Variants in EHBP1 observed in about 807,000 individuals in gnomAD.
EHBP1 encodes the protein EH domain binding protein 1.
Under a neutral mutation model 144.0 loss-of-function variants are expected in EHBP1, and 55 were observed. That is an observed-to-expected ratio of 0.38 (90% CI 0.31 to 0.48). The LOEUF (loss-of-function observed/expected upper bound fraction) is 0.48, where lower values mean the gene tolerates loss of function less well. EHBP1 is among the 20% of genes least tolerant of loss of function. The pLI is 0.98. For synonymous variants in EHBP1, 469 were observed against 472.7 expected (o/e 0.99, Z 0.10); for missense variants, 1,200 against 1,364.2 (o/e 0.88, Z 1.90).
At chr2:62,710,495 T>A (rs2035045478) in intron 2 of EHBP1, among the ~76,000 whole-genome samples, 2 of 151,188 alleles carry the variant, frequency 1.3e-5, no homozygotes, top group South Asian at 4.1e-4. Flanking sequence ...ATATAAGAAT[T>A]CCTTTTCCTT....
intron 1 of EHBP1, among the ~76,000 whole-genome samples, chr2:62,682,741 G>A (rs1250991550): frequency 6.6e-6 from 1 of 152,096 alleles, no homozygotes; most frequent in African/African-American, 2.4e-5. Flanking sequence ...AAGCTATACT[G>A]CCTGACTCTA....
chr2:62,749,909 A>G (rs1042472008), intron 3 of EHBP1, among the ~76,000 whole-genome samples: 6 of 152,182 alleles, frequency 3.9e-5, no homozygotes, highest in South Asian at 2.1e-4. Flanking sequence ...GTAGGTTGCA[A>G]AAATTTTCTT....
At chr2:62,778,336 C>G (rs1240398394) in intron 5 of EHBP1, among the ~76,000 whole-genome samples, 15 of 152,020 alleles carry the variant, frequency 9.9e-5, no homozygotes, top group Admixed American at 9.2e-4. Flanking sequence ...CTCAGGAGTT[C>G]AAGACCACCA....
chr2:62,699,893 T>C (rs2034224584), intron 1 of EHBP1, among the ~76,000 whole-genome samples: 1 of 152,238 alleles, frequency 6.6e-6, no homozygotes, highest in African/African-American at 2.4e-5. Flanking sequence ...AATGCTCCTC[T>C]GCCTCTAGCA....
intron 14 of EHBP1, among the ~76,000 whole-genome samples, chr2:62,964,343 A>G (rs1235346679): frequency 2.0e-5 from 3 of 152,194 alleles, no homozygotes; most frequent in Non-Finnish European, 4.4e-5. Context: ...GGCTGTGGAC[A>G]TTTTCCATAT....
At chr2:62,841,233 C>T (rs918353661) in intron 7 of EHBP1, among the ~76,000 whole-genome samples, 13 of 151,374 alleles carry the variant, frequency 8.6e-5, no homozygotes, top group Non-Finnish European at 1.2e-4. Context: ...AGTAAACTAT[C>T]GCAAGATCAA....
intron 2 of EHBP1, among the ~76,000 whole-genome samples, chr2:62,734,570 A>G (rs1377467517): frequency 1.3e-5 from 2 of 152,152 alleles, no homozygotes; most frequent in Non-Finnish European, 2.9e-5. Flanking sequence ...TTTCTTATGG[A>G]AAACATACAA....
chr2:62,988,687 A>G lies in EHBP1; in HGVS notation c.2609-2029A>G, dbSNP rs114877415. On this transcript the variant is annotated intron_variant, in intron 15 of 22. Transcript: ENST00000431489. ...TGAATGTTCCAAATGCATTGCCTTT[A>G]TAAGCCAGCAGCAAGTAGCAATCCA... Among the ~76,000 whole-genome samples, 1,465 of 152,252 alleles carry G rather than the reference A, an allele frequency of 9.6e-3. 17 individuals carry two copies. Among genetic ancestry groups the G allele is most frequent in the Non-Finnish European group, 0.016 (1,107 of 67,974 alleles).
chr2:62,972,189 A>C (rs2058529337), intron 14 of EHBP1, among the ~76,000 whole-genome samples: 1 of 152,128 alleles, frequency 6.6e-6, no homozygotes, highest in South Asian at 2.1e-4. Context: ...TTTTTGAAAG[A>C]GGAATGGTCA....
At chr2:62,743,259 A>G (rs377427155) in intron 2 of EHBP1, among the ~76,000 whole-genome samples, 9 of 152,114 alleles carry the variant, frequency 5.9e-5, no homozygotes, top group East Asian at 3.8e-4. Context: ...TTTACATTGA[A>G]AGTGTCATTG....
intron 19 of EHBP1, among the ~76,000 whole-genome samples, chr2:63,027,896 T>C (rs2061051693): frequency 1.3e-5 from 2 of 152,146 alleles, no homozygotes; most frequent in South Asian, 4.1e-4. Flanking sequence ...CCAAATCTAT[T>C]GTACAACGTG....
intron 5 of EHBP1, among the ~76,000 whole-genome samples, chr2:62,809,009 T>C (rs1432011349): frequency 6.6e-6 from 1 of 151,960 alleles, no homozygotes; most frequent in Non-Finnish European, 1.5e-5. Flanking sequence ...AAGAGCAGAG[T>C]AGGCCAGGCG....
At chr2:62,819,833 G>A (rs181352471) in intron 5 of EHBP1, among the ~76,000 whole-genome samples, 143 of 151,774 alleles carry the variant, frequency 9.4e-4, no homozygotes, top group African/African-American at 2.5e-3. Context: ...TAGATAAATC[G>A]TAGAAATTCA....
chr2:62,831,085 T>C lies in EHBP1; in HGVS notation c.561T>C (p.Asp187=), dbSNP rs758256806. ...SMKQADIGNL[D]DFEEDNEDDD... ...AGCAGGCTGACATTGGCAATTTAGA[T>C]GACTTCGAAGAAGATAATGAAGATG... The change falls in exon 7 of 23, where the codon GAT becomes GAC. Residue 187 remains aspartate, a synonymous_variant. Transcript: ENST00000431489. 6.2e-7 allele frequency: 1 copy of C among 1,611,454 alleles called. No homozygotes were observed. Among genetic ancestry groups the C allele is most frequent in the Non-Finnish European group, 8.5e-7 (1 of 1,179,208 alleles).
At chr2:62,949,724 A>AAAATTAATTAAT (rs2057278220) in intron 13 of EHBP1, among the ~76,000 whole-genome samples, 1 of 152,172 alleles carries the variant, frequency 6.6e-6, no homozygotes, top group Admixed American at 6.5e-5. Flanking sequence ...TCCCATCATT[A>AAAATTAATTAAT]CTTGTGGTTA....
At chr2:62,858,407 A>T (rs1450357004) in intron 7 of EHBP1, 1 of 1,589,622 alleles carries the variant, frequency 6.3e-7, no homozygotes, top group Admixed American at 1.7e-5. Context: ...TGTTTACAGA[A>T]ATTGTAAACC....
chr2:62,839,291 AC>A (rs1296316667), intron 7 of EHBP1, among the ~76,000 whole-genome samples: 6 of 151,272 alleles, frequency 4.0e-5, no homozygotes, highest in Admixed American at 2.6e-4. Context: ...AAATTCAACA[AC>A]CCTTCATGCT....
intron 12 of EHBP1, among the ~76,000 whole-genome samples, chr2:62,945,164 T>C (rs1330073033): frequency 6.6e-6 from 1 of 152,212 alleles, no homozygotes; most frequent in Non-Finnish European, 1.5e-5. Flanking sequence ...GCAAATACCT[T>C]TTACACTTAT....
intron 14 of EHBP1, among the ~76,000 whole-genome samples, chr2:62,963,522 A>G (rs1160329253): frequency 6.6e-6 from 1 of 152,234 alleles, no homozygotes; most frequent in Non-Finnish European, 1.5e-5. Flanking sequence ...TTATACTTAC[A>G]TATTTATGAA....
Sources: allele counts gnomAD v4.1 joint callset (sites outside exome capture counted in the v4.1 genomes callset), GRCh38; gene constraint gnomAD v4.1.1; transcripts MANE v1.5; gene names NCBI Gene and HGNC (gene_info 2026-07-23, HGNC 2026-07-21).